Variants in CPM observed in about 807,000 individuals in gnomAD.
CPM encodes the protein carboxypeptidase M, also known as renal carboxypeptidase.
In CPM, 35 loss-of-function variants were observed where a neutral mutation model predicts 46.4. The observed-to-expected ratio is 0.75, with a 90% CI of 0.58 to 1.00. The LOEUF (loss-of-function observed/expected upper bound fraction) is 1.00, where lower values mean the gene tolerates loss of function less well. Ranked by LOEUF, CPM falls within the 50% of genes least tolerant of loss-of-function variation. The pLI, the probability that CPM is intolerant of heterozygous loss-of-function variation, is 0.00. For synonymous variants in CPM, 195 were observed against 195.3 expected, an observed-to-expected ratio of 1.00 and a Z score of 0.01; for missense variants, 422 against 530.4, an observed-to-expected ratio of 0.80 and a Z score of 2.01.
At chr12:68,909,892 G>A (rs12816160) in intron 2 of CPM, among the ~76,000 whole-genome samples, 7,469 of 151,588 alleles carry the variant, frequency 0.049, 243 homozygotes, top group Non-Finnish European at 0.074. Context: ...TGTAGGTGAC[G>A]GGTTGATGGG....
At chr12:68,934,843 A>C (rs1477870031), upstream of CPM, among the ~76,000 whole-genome samples, 2 of 152,210 alleles carry the variant, frequency 1.3e-5, no homozygotes, top group African/African-American at 4.8e-5. Flanking sequence ...TTACATAAAT[A>C]AACCAGCTTA....
chr12:68,921,137 CTT>C (rs766006373), intron 2 of CPM, among the ~76,000 whole-genome samples: 25 of 142,416 alleles, frequency 1.8e-4, no homozygotes, highest in South Asian at 2.2e-4. Flanking sequence ...TATTTAAACA[CTT>C]TTTTTTTTTT....
At chr12:68,879,062 C>A (rs930931884) in intron 3 of CPM, among the ~76,000 whole-genome samples, 1 of 152,146 alleles carries the variant, frequency 6.6e-6, no homozygotes. Context: ...GTGGCACACA[C>A]CTCTAGACCT....
In CPM at chr12:68,875,089, G is replaced by T. The variant is rs568364841; in HGVS notation, c.259-3133C>A. ...GTTGAGGCCGGGCACGGTGGCTCATGCCTGTAATCCAAGCACTTTGGGAGG... is the reference window on the plus strand; with the variant it reads ...GTTGAGGCCGGGCACGGTGGCTCATTCCTGTAATCCAAGCACTTTGGGAGG... On this transcript the variant is annotated intron_variant, in intron 3 of 8. Coordinates refer to ENST00000551568, the MANE Select transcript of CPM (RefSeq NM_198320.5). Among the ~76,000 whole-genome samples the T allele has an allele frequency of 9.9e-5, 15 of 152,154 alleles. No individual in the cohort carries two copies. In the East Asian group the frequency reaches 2.9e-3, roughly 29 times the overall value.
chr12:68,863,997 T>C (rs866913170), intron 7 of CPM, among the ~76,000 whole-genome samples: 22 of 152,350 alleles, frequency 1.4e-4, no homozygotes, highest in African/African-American at 5.1e-4. Flanking sequence ...CCACACTGTA[T>C]TGGTATTTTG....
intron 2 of CPM, among the ~76,000 whole-genome samples, chr12:68,895,832 A>G (rs1199590648): frequency 6.6e-6 from 1 of 152,234 alleles, no homozygotes; most frequent in Admixed American, 6.5e-5. Context: ...GAATACACTC[A>G]TTTCTATTTC....
chr12:68,902,134 G>A (rs1178807956), intron 2 of CPM, among the ~76,000 whole-genome samples: 1 of 152,060 alleles, frequency 6.6e-6, no homozygotes, highest in African/African-American at 2.4e-5. Context: ...AGGTAAATAT[G>A]AGCTTTGTTT....
At position 68,853,275 on chromosome 12, in the gene CPM, C is replaced by T. The variant is rs547014942; in HGVS notation, c.*3162G>A. ...TGGGGCTTGATAGCAAATCAAGTTT[C>T]ATCTTATATACTTTTAATTTGTAAT... On this transcript the variant is annotated 3_prime_UTR_variant, in exon 9 of 9. Transcript: ENST00000551568. 7 of 152,266 alleles carry T rather than the reference C, an allele frequency of 4.6e-5. No homozygotes were observed. Among genetic ancestry groups the T allele is most frequent in the African/African-American group, 1.7e-4 (7 of 41,580 alleles). 9.4% of individuals were successfully genotyped at this position (152,266 alleles called of 1,614,324 possible).
chr12:68,894,978 G>A lies in CPM; in HGVS notation c.161-9089C>T, dbSNP rs535695920. Among the ~76,000 whole-genome samples the A allele has an allele frequency of 1.1e-4, 15 of 140,246 alleles. No individual in the cohort carries two copies. In the East Asian group the frequency reaches 1.5e-3, roughly 14 times the overall value. 92.0% of individuals were successfully genotyped at this position (140,246 alleles called of 152,430 possible). ...TGGGAAGTGGAGGTTGCAGTAAGCCGAGATCGCACCGCTGCACTCCAGCCT... is the reference window on the plus strand; with the variant it reads ...TGGGAAGTGGAGGTTGCAGTAAGCCAAGATCGCACCGCTGCACTCCAGCCT... On this transcript the variant is annotated intron_variant, in intron 2 of 8. Coordinates refer to ENST00000551568, the MANE Select transcript of CPM (RefSeq NM_198320.5).
upstream of CPM, among the ~76,000 whole-genome samples, chr12:68,934,581 C>CT (rs971326270): frequency 9.9e-5 from 15 of 152,006 alleles, no homozygotes; most frequent in African/African-American, 3.4e-4. Flanking sequence ...TGAACTCATC[C>CT]TTTTTTATGG....
Position 68,856,483 on chromosome 12 carries a change from C to G in CPM, c.1286G>C (p.Ser429Thr), listed in dbSNP as rs150803446. The change falls in exon 9 of 9, where the codon AGT (serine) becomes ACT (threonine). Residue 429 changes from serine to threonine, a missense_variant. Coordinates refer to ENST00000551568, the MANE Select transcript of CPM (RefSeq NM_198320.5). Reference protein sequence around the residue: ...LPDHSAATKPSLFLFLVSLLH... With the variant: ...LPDHSAATKPTLFLFLVSLLH... ...AAGACTCACTAAAAATAAGAACAAA[C>G]TAGGCTTTGTTGCAGCTGAGTGGTC... The G allele has an allele frequency of 9.7e-5, 157 of 1,614,090 alleles. No homozygotes were observed. The highest frequency in any genetic ancestry group is 1.3e-4 in the Non-Finnish European group (155 of 1,179,950).
At chr12:68,877,426 G>C (rs375502560) in intron 3 of CPM, among the ~76,000 whole-genome samples, 2 of 152,154 alleles carry the variant, frequency 1.3e-5, no homozygotes, top group East Asian at 3.8e-4. Flanking sequence ...ATTCACATGA[G>C]GACTTAAGGT....
intron 2 of CPM, among the ~76,000 whole-genome samples, chr12:68,916,432 T>C (rs967275333): frequency 6.6e-5 from 10 of 152,226 alleles, no homozygotes; most frequent in Admixed American, 6.5e-5. Context: ...TTCCATTCAA[T>C]TACGGCATTC....
At chr12:68,931,764 AAAGAAAG>A (rs1157347255) in intron 2 of CPM, among the ~76,000 whole-genome samples, 1,110 of 102,218 alleles carry the variant, frequency 0.011, 29 homozygotes, top group African/African-American at 0.042. Flanking sequence ...AAAAAAAAAA[AAAGAAAG>A]AAAGAAAGAA....
At chr12:68,891,122 G>C (rs1886636870) in intron 2 of CPM, among the ~76,000 whole-genome samples, 1 of 152,252 alleles carries the variant, frequency 6.6e-6, no homozygotes, top group African/African-American at 2.4e-5. Context: ...AGGCTGCACT[G>C]TAGTGTGAGT....
At chr12:68,948,951 G>T (rs1888891603) in intron 1 of CPM, among the ~76,000 whole-genome samples, 1 of 152,206 alleles carries the variant, frequency 6.6e-6, no homozygotes, top group Non-Finnish European at 1.5e-5. Flanking sequence ...GTGCCCCACA[G>T]TTATTTGTGG....
intron 2 of CPM, among the ~76,000 whole-genome samples, chr12:68,894,402 C>T (rs1886782920): frequency 6.6e-6 from 1 of 152,138 alleles, no homozygotes; most frequent in South Asian, 2.1e-4. Flanking sequence ...TGGCACATAA[C>T]ATCCAGAGTC....
At chr12:68,914,219 G>A (rs895971331) in intron 2 of CPM, among the ~76,000 whole-genome samples, 1 of 152,176 alleles carries the variant, frequency 6.6e-6, no homozygotes, top group Non-Finnish European at 1.5e-5. Flanking sequence ...AGCTTAAAGA[G>A]CACAAGGCCA....
intron 7 of CPM, among the ~76,000 whole-genome samples, chr12:68,866,143 T>A (rs1885432451): frequency 6.6e-6 from 1 of 152,076 alleles, no homozygotes; most frequent in Non-Finnish European, 1.5e-5. Flanking sequence ...CCACCCCAAT[T>A]CTGGAAAAAA....
Sources: gnomAD v4.1 joint callset for allele counts (sites outside exome capture counted in the v4.1 genomes callset) on GRCh38, gnomAD v4.1.1 for gene constraint, MANE v1.5 for transcripts, NCBI Gene and HGNC (gene_info 2026-07-23, HGNC 2026-07-21) for gene names.